ANKS1B: variants seen among roughly 807,000 people sequenced by gnomAD.
ANKS1B encodes ankyrin repeat and sterile alpha motif domain containing 1B.
In ANKS1B, 36 loss-of-function variants were observed where a neutral mutation model predicts 148.3. That is an observed-to-expected ratio of 0.24 (90% confidence interval 0.19 to 0.32). The LOEUF is 0.32. Among genes scored for constraint, ANKS1B ranks in the 10% least tolerant of loss-of-function variants. The pLI is 1.00. For synonymous variants in ANKS1B, 542 were observed against 560.8 expected (o/e 0.97, Z 0.47); for missense variants, 1,157 against 1,542.6 (o/e 0.75, Z 4.19).
chr12:99,133,021 G>T (rs1234755246), intron 15 of ANKS1B, among the ~76,000 whole-genome samples: 14 of 139,914 alleles, frequency 1.0e-4, no homozygotes, highest in Non-Finnish European at 1.7e-4. Context: ...TGGCAACATG[G>T]TTTTTTTTTT....
chr12:99,969,430 C>T (rs141212825), intron 1 of ANKS1B, among the ~76,000 whole-genome samples: 57 of 152,240 alleles, frequency 3.7e-4, no homozygotes, highest in Admixed American at 1.4e-3. Context: ...GCAATCCTCC[C>T]GCCTCAGCCT....
At chr12:99,430,579 A>G (rs111407712) in intron 11 of ANKS1B, among the ~76,000 whole-genome samples, 2 of 152,302 alleles carry the variant, frequency 1.3e-5, no homozygotes, top group African/African-American at 2.4e-5. Flanking sequence ...ATACCATTAG[A>G]GTAACATCCT....
chr12:99,876,914 T>A (rs964692230), intron 1 of ANKS1B, among the ~76,000 whole-genome samples: 1 of 152,306 alleles, frequency 6.6e-6, no homozygotes, highest in Non-Finnish European at 1.5e-5. Flanking sequence ...AGCAGTCCTG[T>A]GGCCACCCTT....
chr12:99,495,380 T>TGTGTGTGTGTG (rs1555458167), intron 10 of ANKS1B, among the ~76,000 whole-genome samples: 2 of 148,808 alleles, frequency 1.3e-5, no homozygotes, highest in East Asian at 2.0e-4. Context: ...TGTGTGTGTG[T>TGTGTGTGTGTG]AGTTTATAAT....
intron 15 of ANKS1B, among the ~76,000 whole-genome samples, chr12:99,121,936 C>G (rs2372726): frequency 0.66 from 100,729 of 151,968 alleles, 33,622 homozygotes; most frequent in East Asian, 0.89. Flanking sequence ...ACTCAATGAA[C>G]AGTTGGTAAG....
intron 1 of ANKS1B, among the ~76,000 whole-genome samples, chr12:99,910,294 G>A (rs1481217067): frequency 2.8e-5 from 4 of 140,812 alleles, no homozygotes; most frequent in Non-Finnish European, 6.0e-5. Flanking sequence ...GGCGGAGGTC[G>A]CAGTGAGCCG....
intron 8 of ANKS1B, among the ~76,000 whole-genome samples, chr12:99,721,992 A>T (rs1413278074): frequency 8.5e-5 from 13 of 152,246 alleles, no homozygotes; most frequent in Non-Finnish European, 4.4e-5. Context: ...TACTTAAGCC[A>T]AATGCTAATC....
At chr12:98,854,681 G>A (rs2099552651) in intron 17 of ANKS1B, among the ~76,000 whole-genome samples, 1 of 152,162 alleles carries the variant, frequency 6.6e-6, no homozygotes, top group African/African-American at 2.4e-5. Context: ...TTAGGTGCCA[G>A]GAACGTATTT....
At chr12:99,325,113 T>A (rs1361397802) in intron 12 of ANKS1B, among the ~76,000 whole-genome samples, 1 of 152,068 alleles carries the variant, frequency 6.6e-6, no homozygotes, top group Non-Finnish European at 1.5e-5. Flanking sequence ...ATGAAGCATA[T>A]AGGGTCTTCA....
chr12:99,941,671 A>C (rs2094923001), intron 1 of ANKS1B, among the ~76,000 whole-genome samples: 1 of 152,160 alleles, frequency 6.6e-6, no homozygotes. Flanking sequence ...AAACTGATTG[A>C]AAACTGATCT....
At chr12:98,860,722 G>A (rs2099594887) in intron 17 of ANKS1B, among the ~76,000 whole-genome samples, 1 of 152,148 alleles carries the variant, frequency 6.6e-6, no homozygotes, top group South Asian at 2.1e-4. Context: ...GGGCCTGTCA[G>A]GGGTCAGGGG....
At chr12:99,731,081 C>T (rs1364992985) in intron 8 of ANKS1B, among the ~76,000 whole-genome samples, 3 of 151,842 alleles carry the variant, frequency 2.0e-5, no homozygotes, top group African/African-American at 4.8e-5. Context: ...GCTGGGATTA[C>T]AGGAATGCAC....
chr12:98,999,972 A>C (rs958160745), intron 17 of ANKS1B, among the ~76,000 whole-genome samples: 1 of 152,104 alleles, frequency 6.6e-6, no homozygotes, highest in Non-Finnish European at 1.5e-5. Context: ...TCTCTTCCTA[A>C]CTCTTTAGAA....
intron 17 of ANKS1B, among the ~76,000 whole-genome samples, chr12:98,874,557 C>T (rs1392014147): frequency 6.6e-6 from 1 of 152,024 alleles, no homozygotes; most frequent in Non-Finnish European, 1.5e-5. Flanking sequence ...ACTAAGGCTC[C>T]TGTTGTTTGG....
intron 15 of ANKS1B, among the ~76,000 whole-genome samples, chr12:99,091,883 A>C (rs556559434): frequency 6.6e-6 from 1 of 152,340 alleles, no homozygotes; most frequent in African/African-American, 2.4e-5. Flanking sequence ...AGCAGGAATC[A>C]TGCAGGAGAT....
At chr12:99,510,728 C>A (rs1024084923) in intron 9 of ANKS1B, among the ~76,000 whole-genome samples, 1 of 152,088 alleles carries the variant, frequency 6.6e-6, no homozygotes, top group East Asian at 1.9e-4. Context: ...AGAGGATTGA[C>A]TCCAATTTTG....
chr12:99,232,455 G>A (rs2087033617), intron 14 of ANKS1B, among the ~76,000 whole-genome samples: 1 of 152,192 alleles, frequency 6.6e-6, no homozygotes, highest in Non-Finnish European at 1.5e-5. Context: ...GAGATTATCT[G>A]TCACCCTTGT....
intron 8 of ANKS1B, among the ~76,000 whole-genome samples, chr12:99,718,281 A>G (rs1190101902): frequency 1.6e-4 from 25 of 152,056 alleles, no homozygotes; most frequent in Non-Finnish European, 1.5e-5. Context: ...TAACTAAATT[A>G]TCTGCTTCCC....
intron 8 of ANKS1B, among the ~76,000 whole-genome samples, chr12:99,700,308 C>T (rs1448973975): frequency 6.6e-6 from 1 of 152,086 alleles, no homozygotes; most frequent in Non-Finnish European, 1.5e-5. Flanking sequence ...CAGTAGTCTC[C>T]CCATACCCAT....
Sources: allele counts gnomAD v4.1 joint callset (sites outside exome capture counted in the v4.1 genomes callset), GRCh38; gene constraint gnomAD v4.1.1; transcripts MANE v1.5; gene names NCBI Gene and HGNC (gene_info 2026-07-23, HGNC 2026-07-21).